Variants in WDFY3 observed in about 807,000 individuals in gnomAD.
WDFY3 encodes WD repeat and FYVE domain-containing protein 3.
In WDFY3, 66 loss-of-function variants were observed where a neutral mutation model predicts 409.6. The ratio of observed to expected loss-of-function variants is 0.16; its 90% confidence interval spans 0.13 to 0.20. WDFY3 has a LOEUF of 0.20. Ranked by LOEUF, WDFY3 falls within the 10% of genes least tolerant of loss-of-function variation. The pLI, the probability that WDFY3 is intolerant of heterozygous loss-of-function variation, is 1.00. For synonymous variants in WDFY3, 1,521 were observed against 1,537.1 expected, an observed-to-expected ratio of 0.99 and a Z score of 0.25; for missense variants, 3,031 against 4,298.1, an observed-to-expected ratio of 0.71 and a Z score of 8.24.
intron 19 of WDFY3, among the ~76,000 whole-genome samples, chr4:84,796,201 T>C (rs1055977902): frequency 3.3e-5 from 5 of 150,294 alleles, no homozygotes; most frequent in Admixed American, 3.3e-4. Flanking sequence ...ATAGGAAATA[T>C]AAATGAGTGT....
intron 3 of WDFY3, among the ~76,000 whole-genome samples, chr4:84,894,578 G>A (rs1765366150): frequency 6.6e-6 from 1 of 152,112 alleles, no homozygotes; most frequent in African/African-American, 2.4e-5. Flanking sequence ...CCTGAGGTCA[G>A]GAGTTCGAGA....
At chr4:84,682,791 G>A (rs1727608958) in intron 63 of WDFY3, 1 of 260,738 alleles carries the variant, frequency 3.8e-6, no homozygotes, top group Non-Finnish European at 7.5e-6. Context: ...AGACCAGCCA[G>A]GTCAACATGG....
chr4:84,766,470 T>C, intron 30 of WDFY3, 98 bp from the exon 31 acceptor site: 1 of 1,222,998 alleles, frequency 8.2e-7, no homozygotes, highest in Non-Finnish European at 1.1e-6. Flanking sequence ...ATATATCTTT[T>C]AGAAAACATT....
At chr4:84,699,398 C>G (rs1303853237) in intron 56 of WDFY3, among the ~76,000 whole-genome samples, 1 of 152,170 alleles carries the variant, frequency 6.6e-6, no homozygotes, top group Admixed American at 6.5e-5. Context: ...GCCTCATTCA[C>G]TTTCATGGAT....
At chr4:84,909,480 T>A (rs746138034) in intron 2 of WDFY3, among the ~76,000 whole-genome samples, 1 of 152,062 alleles carries the variant, frequency 6.6e-6, no homozygotes, top group Non-Finnish European at 1.5e-5. Context: ...AAATGACATC[T>A]AATGTTCTCC....
intron 3 of WDFY3, among the ~76,000 whole-genome samples, chr4:84,889,264 T>C (rs767837241): frequency 1.3e-5 from 2 of 152,206 alleles, no homozygotes; most frequent in South Asian, 2.1e-4. Context: ...AAAACATAAA[T>C]GCATAATATT....
At chr4:84,793,996 A>C (rs1578546345) in intron 21 of WDFY3, among the ~76,000 whole-genome samples, 1 of 152,226 alleles carries the variant, frequency 6.6e-6, no homozygotes, top group Admixed American at 6.5e-5. Context: ...ATTTAGCAGG[A>C]TCTTCATGAA....
intron 46 of WDFY3, among the ~76,000 whole-genome samples, chr4:84,721,977 AATG>A (rs1345379790): frequency 4.6e-5 from 7 of 152,246 alleles, no homozygotes; most frequent in Non-Finnish European, 1.0e-4. Context: ...AGTGTCAGGT[AATG>A]ATGATAACAG....
chr4:84,732,205 A>C (rs1182694585), intron 44 of WDFY3, among the ~76,000 whole-genome samples: 1 of 152,174 alleles, frequency 6.6e-6, no homozygotes, highest in Admixed American at 6.5e-5. Flanking sequence ...TATCTTCCAA[A>C]ATCTTAATAA....
chr4:84,808,461 G>A (rs1359259133), intron 14 of WDFY3, 44 bp from the exon 15 acceptor site: 3 of 1,559,916 alleles, frequency 1.9e-6, no homozygotes, highest in Non-Finnish European at 2.6e-6. Context: ...GAGGTTAGAA[G>A]AAGAGAACAC....
chr4:84,889,251 CAT>C, intron 3 of WDFY3, among the ~76,000 whole-genome samples: 1 of 152,250 alleles, frequency 6.6e-6, no homozygotes, highest in South Asian at 2.1e-4. Flanking sequence ...ATGTATTCCT[CAT>C]AAAACATAAA....
chr4:84,722,675 A>C (rs1735035422), intron 46 of WDFY3, among the ~76,000 whole-genome samples: 1 of 152,240 alleles, frequency 6.6e-6, no homozygotes, highest in Non-Finnish European at 1.5e-5. Context: ...CCAAAGTATG[A>C]GAAGTCCTTA....
At chr4:84,946,476 C>A (rs1441144135) in intron 1 of WDFY3, among the ~76,000 whole-genome samples, 1 of 152,134 alleles carries the variant, frequency 6.6e-6, no homozygotes, top group African/African-American at 2.4e-5. Flanking sequence ...AGTCAGTAGC[C>A]CTATGGCACT....
intron 1 of WDFY3, among the ~76,000 whole-genome samples, chr4:84,938,329 T>C (rs1467378593): frequency 6.6e-6 from 1 of 152,234 alleles, no homozygotes; most frequent in Non-Finnish European, 1.5e-5. Context: ...AGAATCATTC[T>C]AAAATTTCTT....
intron 7 of WDFY3, among the ~76,000 whole-genome samples, chr4:84,836,514 G>C (rs538367192): frequency 1.3e-5 from 2 of 152,152 alleles, no homozygotes; most frequent in South Asian, 4.1e-4. Context: ...CACCACCAAA[G>C]TAAACTGTCT....
At chr4:84,746,134 C>CCTG (rs1270699524) in intron 36 of WDFY3, among the ~76,000 whole-genome samples, 1 of 146,982 alleles carries the variant, frequency 6.8e-6, no homozygotes, top group Non-Finnish European at 1.5e-5. Context: ...ATGGCAAAAC[C>CCTG]CTGTCTCTAC....
At chr4:84,728,619 A>T (rs1417027992) in intron 44 of WDFY3, among the ~76,000 whole-genome samples, 2 of 152,142 alleles carry the variant, frequency 1.3e-5, no homozygotes, top group Non-Finnish European at 2.9e-5. Flanking sequence ...TGTCACACCT[A>T]ACTGTGACAT....
intron 41 of WDFY3, 80 bp from the exon 42 acceptor site, chr4:84,736,407 A>G (rs1363629441): frequency 7.3e-7 from 1 of 1,364,584 alleles, no homozygotes; most frequent in African/African-American, 1.5e-5. Flanking sequence ...ATCTGGTTAT[A>G]AACTACAACC....
At chr4:84,756,898 C>T (rs1177151684) in intron 33 of WDFY3, 28 bp downstream of exon 33, 6 of 1,598,802 alleles carry the variant, frequency 3.8e-6, no homozygotes, top group African/African-American at 1.3e-5. Flanking sequence ...TACGTAATTT[C>T]ACGCACCCCT....
Sources: gnomAD v4.1 joint callset for allele counts (sites outside exome capture counted in the v4.1 genomes callset) on GRCh38, gnomAD v4.1.1 for gene constraint, MANE v1.5 for transcripts, NCBI Gene and HGNC (gene_info 2026-07-23, HGNC 2026-07-21) for gene names.